The following TMF1 variants were observed in gnomAD, a reference collection of about 807,000 sequenced individuals.
TMF1 encodes the protein TATA element modulatory factor.
A neutral mutation model predicts 126.5 loss-of-function variants in TMF1; 71 were observed. That is an observed-to-expected ratio of 0.56 (90% confidence interval 0.46 to 0.68). TMF1 has a LOEUF of 0.68. Among genes scored for constraint, TMF1 ranks in the 30% least tolerant of loss-of-function variants. TMF1 has a pLI of 0.00. For synonymous variants in TMF1, 461 were observed against 430.5 expected (o/e 1.07, Z -0.88); for missense variants, 1,259 against 1,253.2 (o/e 1.00, Z -0.07).
At position 69,046,681 on chromosome 3, in the gene TMF1, C is replaced by T. The variant is rs2091897720; in HGVS notation, c.1347+677G>A. Among the ~76,000 whole-genome samples the T allele has an allele frequency of 2.0e-5, 3 of 152,292 alleles. No homozygotes were observed. In the South Asian group the frequency reaches 6.2e-4, roughly 32 times the overall value. ...ACTTAATGTCAAAGAATTTATATCA[C>T]TTTCCTTTCACATGTATTAGGTAGA... is the stretch of plus-strand genomic sequence containing the variant. On this transcript the variant is annotated intron_variant, in intron 2 of 16. Coordinates refer to ENST00000398559, the MANE Select transcript of TMF1 (RefSeq NM_007114.3).
chr3:69,025,821 C>A, intron 14 of TMF1, 109 bp from the exon 15 acceptor site: 1 of 1,299,262 alleles, frequency 7.7e-7, no homozygotes, highest in South Asian at 1.4e-5. Context: ...AATGTCTTCT[C>A]AAAGGCAGAA....
In TMF1 at chr3:69,035,024, T is replaced by A. The variant is rs2091824568; in HGVS notation, c.2243A>T (p.Gln748Leu). Reference sequence around the variant, plus strand: ...TGTTTTGGAAACCTGTGACAGTACCTGCTGAAGTTCACCGATCTCATGGCG... The same window carrying A: ...TGTTTTGGAAACCTGTGACAGTACCAGCTGAAGTTCACCGATCTCATGGCG... The part of the protein sequence containing the change: ...YLRHEIGELQ[Q>L]RLQEAENRNQ... Residue 748 changes from glutamine to leucine, a missense_variant and splice_region_variant, in exon 9 of 17, where the codon CAG becomes CTG. Transcript: ENST00000398559. 1 of 1,613,680 alleles carries A rather than the reference T, an allele frequency of 6.2e-7. No individual in the cohort carries two copies. Among genetic ancestry groups the A allele is most frequent in the Non-Finnish European group, 8.5e-7 (1 of 1,179,566 alleles).
chr3:69,043,682 A>G, intron 4 of TMF1, 68 bp downstream of exon 4: 1 of 1,324,438 alleles, frequency 7.6e-7, no homozygotes, highest in Non-Finnish European at 1.0e-6. Context: ...TCAAAATACG[A>G]TGAATGCACT....
chr3:69,039,538 G>C lies in TMF1; in HGVS notation c.1827+13C>G. On this transcript the variant is annotated intron_variant, in intron 6 of 16. Transcript: ENST00000398559. ...TAACAATATATATGTAGAGAATTAT[G>C]ATTGCTATTCACCTGTTTCAAATGC... 2 of 1,606,522 alleles carry C rather than the reference G, an allele frequency of 1.2e-6. No homozygotes were observed. Among genetic ancestry groups the C allele is most frequent in the South Asian group, 1.1e-5 (1 of 89,254 alleles).
At position 69,042,926 on chromosome 3, in the gene TMF1, A is replaced by C. The variant is rs1265602512; in HGVS notation, c.1579-14T>G. ...GTTTTTGATTTCCTAATAAAAAAGA[A>C]ATCTGTGAATACCGTAAAGAATGAC... On this transcript the variant is annotated splice_polypyrimidine_tract_variant and intron_variant, in intron 4 of 16. Transcript: ENST00000398559. 5 of 1,533,754 alleles carry C rather than the reference A, an allele frequency of 3.3e-6. No homozygotes were observed. Among genetic ancestry groups the C allele is most frequent in the Non-Finnish European group, 4.5e-6 (5 of 1,108,768 alleles).
intron 1 of TMF1, among the ~76,000 whole-genome samples, chr3:69,049,431 C>T (rs1211908821): frequency 6.6e-6 from 1 of 152,164 alleles, no homozygotes; most frequent in East Asian, 1.9e-4. Context: ...AATGTTCTTT[C>T]CCGAAGATCA....
At chr3:69,046,343 CTTA>C (rs920774559) in intron 2 of TMF1, among the ~76,000 whole-genome samples, 37 of 152,242 alleles carry the variant, frequency 2.4e-4, no homozygotes, top group African/African-American at 8.7e-4. Context: ...TTAGAAATCA[CTTA>C]CCTTCTTAAA....
At chr3:69,027,798 G>C in intron 13 of TMF1, 102 bp downstream of exon 13, 1 of 609,068 alleles carries the variant, frequency 1.6e-6, no homozygotes. Context: ...CCACAGGTTG[G>C]ACAAGCTTGT....
rs150060432 is a variant in TMF1, at chr3:69,046,600, T to C, written c.1347+758A>G. ...CTACATCTCAGAAGTCTATTAAAGATACCAGATCCAACTAAATTTGTATAT... is the reference window on the plus strand; with the variant it reads ...CTACATCTCAGAAGTCTATTAAAGACACCAGATCCAACTAAATTTGTATAT... On this transcript the variant is annotated intron_variant, in intron 2 of 16. Transcript: ENST00000398559. Among the ~76,000 whole-genome samples the C allele has an allele frequency of 9.6e-4, 146 of 152,316 alleles. No homozygotes were observed. The East Asian group carries it at 0.027, about 28-fold the overall frequency.
At chr3:69,031,297 G>GC (rs1438534466) in intron 10 of TMF1, among the ~76,000 whole-genome samples, 1 of 152,116 alleles carries the variant, frequency 6.6e-6, no homozygotes, top group Non-Finnish European at 1.5e-5. Flanking sequence ...AACATTAAGA[G>GC]TGATTATTTT....
In TMF1 at chr3:69,047,750, A is replaced by G. The variant is rs987812788; in HGVS notation, c.955T>C (p.Ser319Pro). 6.2e-7 allele frequency: 1 copy of G among 1,614,132 alleles called. No homozygotes were observed. The highest frequency in any genetic ancestry group is 8.5e-7 in the Non-Finnish European group (1 of 1,180,024). Residue 319 changes from serine (S) to proline (P), a missense_variant, in exon 2 of 17, where the codon TCA (serine) becomes CCA (proline). By Grantham distance (74) the Ser-to-Pro change is moderately conservative. Coordinates refer to ENST00000398559, the MANE Select transcript of TMF1 (RefSeq NM_007114.3). ...TCTATTCTTTCAAAAGCATCAGATG[A>G]ACAGCAACTCTCAGTGAGTTTTTGG... ...DFQKLTESCC[S>P]SDAFERIDSF...
At chr3:69,030,097 G>A (rs2091791294) in intron 10 of TMF1, 90 bp from the exon 11 acceptor site, 8 of 1,136,958 alleles carry the variant, frequency 7.0e-6, no homozygotes, top group Non-Finnish European at 9.9e-6. Context: ...ATTTAATGAT[G>A]CAAGTAGCCA....
At chr3:69,045,008 AAAG>A (rs1378870261) in intron 2 of TMF1, among the ~76,000 whole-genome samples, 13 of 152,230 alleles carry the variant, frequency 8.5e-5, no homozygotes, top group South Asian at 4.1e-4. Flanking sequence ...ATACACACCA[AAAG>A]AAGAAGGGAG....
chr3:69,033,997 T>G (rs561904220), intron 9 of TMF1: 1 of 192,734 alleles, frequency 5.2e-6, no homozygotes, highest in African/African-American at 2.3e-5. Context: ...TATTTTTTTG[T>G]AGAGACGAGG....
chr3:69,023,240 G>A lies in TMF1; in HGVS notation c.3219C>T (p.Leu1073=), dbSNP rs35783734. 2.5e-3 allele frequency: 4,082 copies of A among 1,610,742 alleles called. 83 individuals carry two copies. The African/African-American group carries it at 0.049, about 19-fold the overall frequency. ...TTTTGTACATATTTTTTACATCTTC[G>A]AGATCTAATCGAAGTTCTTCTGCCT... is the stretch of plus-strand genomic sequence containing the variant. ...AEEAEELRLD[L]EDVKNMYKTQ... The change falls in exon 17 of 17, where the codon CTC becomes CTT. Residue 1073 remains leucine, a synonymous_variant. Coordinates refer to ENST00000398559, the MANE Select transcript of TMF1 (RefSeq NM_007114.3).
rs536728831 is a variant in TMF1, at chr3:69,033,080, A to G, written c.2401+468T>C. Among the ~76,000 whole-genome samples, 19 of 152,122 alleles carry G rather than the reference A, an allele frequency of 1.2e-4. No individual in the cohort carries two copies. In the East Asian group the frequency reaches 3.7e-3, roughly 29 times the overall value. On this transcript the variant is annotated intron_variant, in intron 10 of 16. Transcript: ENST00000398559. ...AAAGGGGTCAGATTTAGCAATGGAC[A>G]AGAAAAAAAAATCGAGTGCAGCAGT...
rs1029030468 is a variant in TMF1, at chr3:69,021,688, T to C, written c.*1489A>G. On this transcript the variant is annotated 3_prime_UTR_variant, in exon 17 of 17. Transcript: ENST00000398559. ...ACTAAAAATTAAATAAGAGTTTGTT[T>C]TTTTTTTTTTGAGACGGAGTCTTTC... 6.6e-6 allele frequency: 1 copy of C among 151,834 alleles called. No individual in the cohort carries two copies. Among genetic ancestry groups the C allele is most frequent in the South Asian group, 2.1e-4 (1 of 4,798 alleles). 9.4% of individuals were successfully genotyped at this position (151,834 alleles called of 1,614,324 possible).
At chr3:69,030,184 C>CTG in intron 10 of TMF1, 177 bp from the exon 11 acceptor site, 1 of 487,104 alleles carries the variant, frequency 2.1e-6, no homozygotes, top group Non-Finnish European at 3.6e-6. Context: ...TAACTTATAC[C>CTG]TGCTTTATCA....
chr3:69,041,348 T>G lies in TMF1; in HGVS notation c.1684+1459A>C, dbSNP rs183567291. On this transcript the variant is annotated intron_variant, in intron 5 of 16. Transcript: ENST00000398559. ...AACTAAGCCCCTAAAGGACAGAGTGTCATACTTATTATTGTATCAAACATA... is the reference window on the plus strand; with the variant it reads ...AACTAAGCCCCTAAAGGACAGAGTGGCATACTTATTATTGTATCAAACATA... Among the ~76,000 whole-genome samples, 9 of 152,296 alleles carry G rather than the reference T, an allele frequency of 5.9e-5. No homozygotes were observed. The East Asian group carries it at 1.7e-3, about 29-fold the overall frequency.
Sources: gnomAD v4.1 joint callset for allele counts (sites outside exome capture counted in the v4.1 genomes callset) on GRCh38, gnomAD v4.1.1 for gene constraint, MANE v1.5 for transcripts, NCBI Gene and HGNC (gene_info 2026-07-23, HGNC 2026-07-21) for gene names.